The following SCML4 variants were observed in gnomAD, a reference collection of about 807,000 sequenced individuals.
The protein encoded by SCML4 is sex comb on midleg-like protein 4.
A neutral mutation model predicts 41.1 loss-of-function variants in SCML4; 34 were observed. That is an observed-to-expected ratio of 0.83 (90% CI 0.63 to 1.10). SCML4 has a LOEUF of 1.10. SCML4 is among the 50% of genes least tolerant of loss of function. The pLI is 0.00. For synonymous variants in SCML4, 214 were observed against 220.9 expected (o/e 0.97, Z 0.28); for missense variants, 522 against 534.1 (o/e 0.98, Z 0.22).
At position 107,810,380 on chromosome 6, in the gene SCML4, A is replaced by G. The variant is rs541633353; in HGVS notation, c.-60+13746T>C. ...GGTTTGTTTGCTGGTGCCTCCTCTC[A>G]TCGCTTGGGATATACTTTGTGAAGT... On this transcript the variant is annotated intron_variant, in intron 1 of 7. Coordinates refer to ENST00000369020, the MANE Select transcript of SCML4 (RefSeq NM_198081.5). Among the ~76,000 whole-genome samples the G allele has an allele frequency of 2.6e-5, 4 of 152,296 alleles. No homozygotes were observed. The South Asian group carries it at 6.2e-4, about 24-fold the overall frequency.
chr6:107,825,428 C>T (rs1394551924), upstream of SCML4, among the ~76,000 whole-genome samples: 1 of 152,164 alleles, frequency 6.6e-6, no homozygotes, highest in East Asian at 1.9e-4. Context: ...ATTAGAAGTA[C>T]ATAAGAAATC....
chr6:107,768,108 A>AG (rs1376498423), intron 2 of SCML4, among the ~76,000 whole-genome samples: 1 of 152,000 alleles, frequency 6.6e-6, no homozygotes, highest in East Asian at 1.9e-4. Flanking sequence ...AAAAAAAAAA[A>AG]AAAAAAAGTA....
chr6:107,717,296 A>G (rs557212008), intron 6 of SCML4, among the ~76,000 whole-genome samples: 1 of 151,524 alleles, frequency 6.6e-6, no homozygotes, highest in East Asian at 1.9e-4. Context: ...GTCTCAAAAA[A>G]AAAAAAAAAA....
At chr6:107,814,232 A>G (rs149095964) in intron 1 of SCML4, among the ~76,000 whole-genome samples, 64 of 152,344 alleles carry the variant, frequency 4.2e-4, no homozygotes, top group Non-Finnish European at 6.9e-4. Context: ...AAGTCCTCAG[A>G]ATGGGGTTTC....
intron 5 of SCML4, among the ~76,000 whole-genome samples, chr6:107,722,273 C>T (rs1400455863): frequency 2.0e-5 from 3 of 152,168 alleles, no homozygotes; most frequent in South Asian, 4.1e-4. Flanking sequence ...TTTTAAAGCT[C>T]AACATTGAGC....
chr6:107,755,676 A>AG, intron 2 of SCML4: 1 of 1,283,002 alleles, frequency 7.8e-7, no homozygotes, highest in Non-Finnish European at 1.0e-6. Flanking sequence ...TAAAAAAAAA[A>AG]AAAAAGCTGT....
chr6:107,836,707 T>A, the SCML4 span, among the ~76,000 whole-genome samples: 13 of 152,092 alleles, frequency 8.5e-5, no homozygotes, highest in Non-Finnish European at 1.8e-4. Context: ...TACAACCAAT[T>A]CATATAAACC....
chr6:107,722,326 G>A (rs191870927), intron 5 of SCML4, among the ~76,000 whole-genome samples: 194 of 151,824 alleles, frequency 1.3e-3, no homozygotes, highest in Admixed American at 2.7e-3. Context: ...CGAATGGTGG[G>A]TTTTTTGTTT....
chr6:107,762,154 A>G (rs1779651139), intron 2 of SCML4, among the ~76,000 whole-genome samples: 1 of 152,232 alleles, frequency 6.6e-6, no homozygotes. Flanking sequence ...TTATTTAGGA[A>G]GAAGCAAAAG....
At chr6:107,798,176 T>C (rs9486709) in intron 1 of SCML4, among the ~76,000 whole-genome samples, 3,367 of 151,936 alleles carry the variant, frequency 0.022, 126 homozygotes, top group African/African-American at 0.076. Flanking sequence ...GTCTCTGTTT[T>C]CTCAAAGAGC....
Position 107,705,113 on chromosome 6 carries a change from G to T in SCML4, c.*87C>A, listed in dbSNP as rs1546962. ...CTGTTAATTTTAAGAGGAGAGTCTA[G>T]TTTGTGATGTTGGCGGGATATTGGT... On this transcript the variant is annotated 3_prime_UTR_variant, in exon 8 of 8. Coordinates refer to ENST00000369020, the MANE Select transcript of SCML4 (RefSeq NM_198081.5). The T allele has an allele frequency of 0.91, 1,106,257 of 1,211,182 alleles. 505,471 individuals are homozygous for T. The highest frequency in any genetic ancestry group is 0.94 in the Admixed American group (47,417 of 50,294). The allele number at this position is 1,211,182 out of a possible 1,614,324, so 75.0% of individuals were successfully genotyped here. A position where few individuals can be genotyped will look rare whatever the true frequency, so the allele number is the denominator to read the frequency against.
intron 1 of SCML4, among the ~76,000 whole-genome samples, chr6:107,802,980 G>C (rs1042875208): frequency 1.3e-5 from 2 of 151,452 alleles, no homozygotes; most frequent in African/African-American, 4.8e-5. Flanking sequence ...TCCTAACCGC[G>C]AGTGATCCGC....
At chr6:107,841,591 A>C in the SCML4 span, among the ~76,000 whole-genome samples, 1 of 152,198 alleles carries the variant, frequency 6.6e-6, no homozygotes, top group Non-Finnish European at 1.5e-5. Context: ...TTTCGTTCCC[A>C]CGTCTGTAAA....
At chr6:107,778,432 A>G (rs1391300218) in intron 1 of SCML4, among the ~76,000 whole-genome samples, 2 of 151,536 alleles carry the variant, frequency 1.3e-5, no homozygotes, top group East Asian at 3.9e-4. Context: ...TCCCTAAAAC[A>G]GCCTAGTCAT....
chr6:107,769,253 C>T (rs1248533647), intron 2 of SCML4, among the ~76,000 whole-genome samples: 2 of 152,188 alleles, frequency 1.3e-5, no homozygotes, highest in Admixed American at 6.5e-5. Flanking sequence ...TGGCTGCGAG[C>T]CTGGGGCCAA....
chr6:107,726,855 A>G (rs1295461770), intron 5 of SCML4, among the ~76,000 whole-genome samples: 1 of 152,192 alleles, frequency 6.6e-6, no homozygotes, highest in Admixed American at 6.5e-5. Flanking sequence ...TACTTCCTCA[A>G]ATGCTTAAAG....
In SCML4 at chr6:107,705,221, T is replaced by C. The variant is rs1256217395; in HGVS notation, c.1224A>G (p.Lys408=). The change falls in exon 8 of 8, where the codon AAA becomes AAG. Residue 408 remains lysine (K), a synonymous_variant. Transcript: ENST00000369020. The stretch of plus-strand genomic sequence containing the variant: ...AAAGTCAGAACTTGGCTTGCTTCAG[T>C]TTGTCAATGTGGTAGCAGAGTTTCA... ...PALKLCYHID[K]LKQAKF 1 of 1,551,698 alleles carries C rather than the reference T, an allele frequency of 6.4e-7. No individual in the cohort carries two copies. The highest frequency in any genetic ancestry group is 1.2e-5 in the South Asian group (1 of 84,056).
chr6:107,830,433 G>C, the SCML4 span, among the ~76,000 whole-genome samples: 89,505 of 152,026 alleles, frequency 0.59, 28,748 homozygotes, highest in East Asian at 0.78. Flanking sequence ...CTGGTAAGGG[G>C]TTGGATGGGT....
chr6:107,780,292 C>T (rs1394554268), intron 1 of SCML4, among the ~76,000 whole-genome samples: 1 of 152,080 alleles, frequency 6.6e-6, no homozygotes, highest in Non-Finnish European at 1.5e-5. Context: ...AAATAAATTC[C>T]CTTACACACA....
Sources: allele counts gnomAD v4.1 joint callset (sites outside exome capture counted in the v4.1 genomes callset), GRCh38; gene constraint gnomAD v4.1.1; transcripts MANE v1.5; gene names NCBI Gene and HGNC (gene_info 2026-07-23, HGNC 2026-07-21).